The following ZFPM2 variants were observed in gnomAD, a reference collection of about 807,000 sequenced individuals.
ZFPM2 encodes the protein zinc finger protein ZFPM2.
ZFPM2 carries 20 observed loss-of-function variants against 98.6 expected under a neutral mutation model. That is an observed-to-expected ratio of 0.20 (90% CI 0.14 to 0.29). The LOEUF (loss-of-function observed/expected upper bound fraction) is 0.29. Among genes scored for constraint, ZFPM2 ranks in the 10% least tolerant of loss-of-function variants. The probability of loss-of-function intolerance (pLI) is 1.00; values close to 1 mark genes in which losing one functional copy is unlikely to be tolerated. For synonymous variants in ZFPM2, 518 were observed against 502.7 expected (o/e 1.03, Z -0.41); for missense variants, 1,310 against 1,388.6 (o/e 0.94, Z 0.90).
At chr8:105,705,069 A>C (rs1020798751) in intron 5 of ZFPM2, among the ~76,000 whole-genome samples, 2 of 152,202 alleles carry the variant, frequency 1.3e-5, no homozygotes, top group Non-Finnish European at 2.9e-5. Flanking sequence ...TGTTTTAATC[A>C]TGATGTTAAT....
At chr8:105,771,183 GC>G (rs1365168151) in intron 5 of ZFPM2, among the ~76,000 whole-genome samples, 1 of 150,718 alleles carries the variant, frequency 6.6e-6, no homozygotes, top group East Asian at 1.9e-4. Context: ...ATTTTTTTTC[GC>G]CCAACTTGTT....
At position 105,788,708 on chromosome 8, in the gene ZFPM2, T is replaced by C. The variant is rs759627607; in HGVS notation, c.533-10T>C. The C allele has an allele frequency of 1.9e-6, 3 of 1,613,740 alleles. No individual in the cohort carries two copies. The highest frequency in any genetic ancestry group is 2.5e-6 in the Non-Finnish European group (3 of 1,179,664). ...GTCAATTTTATCTTTTTCTTTTTTCTTCTTAATAGGGGGTCAGCTTTGGTG... is the reference window on the plus strand; with the variant it reads ...GTCAATTTTATCTTTTTCTTTTTTCCTCTTAATAGGGGGTCAGCTTTGGTG... On this transcript the variant is annotated splice_polypyrimidine_tract_variant and intron_variant, in intron 5 of 7. Transcript: ENST00000407775.
At chr8:105,398,479 C>A in intron 1 of ZFPM2, among the ~76,000 whole-genome samples, 1 of 152,160 alleles carries the variant, frequency 6.6e-6, no homozygotes, top group East Asian at 1.9e-4. Context: ...TGGCAGTCCC[C>A]AACCTTTTTG....
chr8:105,324,933 A>C (rs574317628), intron 1 of ZFPM2, among the ~76,000 whole-genome samples: 47 of 152,010 alleles, frequency 3.1e-4, no homozygotes, highest in Non-Finnish European at 5.8e-4. Context: ...TATTTTTCAA[A>C]AGTAGCTTCC....
chr8:105,465,725 A>G (rs1389262223), intron 3 of ZFPM2, among the ~76,000 whole-genome samples: 1 of 151,982 alleles, frequency 6.6e-6, no homozygotes, highest in Non-Finnish European at 1.5e-5. Context: ...TATTTCAGTA[A>G]GGTGCCTGGT....
intron 5 of ZFPM2, among the ~76,000 whole-genome samples, chr8:105,670,922 T>C (rs1023509821): frequency 1.3e-5 from 2 of 152,178 alleles, no homozygotes; most frequent in Admixed American, 6.5e-5. Context: ...CTGGCTACTT[T>C]AGTAAAAGTC....
intron 3 of ZFPM2, among the ~76,000 whole-genome samples, chr8:105,509,481 T>G (rs1813770650): frequency 6.6e-6 from 1 of 152,188 alleles, no homozygotes; most frequent in Admixed American, 6.5e-5. Context: ...CTCGTAATGT[T>G]TTTTTGCATT....
chr8:105,488,928 A>T (rs302955), intron 3 of ZFPM2, among the ~76,000 whole-genome samples: 151,928 of 152,272 alleles, frequency 1, 75,792 homozygotes, highest in East Asian at 1. Context: ...CCATTATGTA[A>T]TTTAGTTTGA....
chr8:105,333,294 C>T (rs1198694086), intron 1 of ZFPM2, among the ~76,000 whole-genome samples: 2 of 151,640 alleles, frequency 1.3e-5, no homozygotes, highest in Non-Finnish European at 3.0e-5. Context: ...TCAGTGCTTT[C>T]AGTAGTTTAG....
intron 4 of ZFPM2, among the ~76,000 whole-genome samples, chr8:105,566,474 T>C (rs1386525089): frequency 6.6e-6 from 1 of 152,234 alleles, no homozygotes; most frequent in Non-Finnish European, 1.5e-5. Context: ...AATATCTGGT[T>C]TGGATGTGTT....
At chr8:105,741,816 G>T (rs1812221209) in intron 5 of ZFPM2, among the ~76,000 whole-genome samples, 1 of 151,996 alleles carries the variant, frequency 6.6e-6, no homozygotes, top group Admixed American at 6.6e-5. Context: ...ACTGCCAGTT[G>T]TAAATACAAA....
intron 2 of ZFPM2, among the ~76,000 whole-genome samples, chr8:105,433,914 C>T (rs1314981540): frequency 6.6e-6 from 1 of 152,164 alleles, no homozygotes; most frequent in Non-Finnish European, 1.5e-5. Flanking sequence ...AATGTGGGTT[C>T]TAGTCTTTTG....
At chr8:105,726,018 C>T (rs1433647486) in intron 5 of ZFPM2, among the ~76,000 whole-genome samples, 3 of 151,752 alleles carry the variant, frequency 2.0e-5, no homozygotes, top group Middle Eastern at 3.4e-3. Flanking sequence ...TATAGGAAAA[C>T]GATGAGTAAA....
At chr8:105,371,129 A>G (rs1810614462) in intron 1 of ZFPM2, among the ~76,000 whole-genome samples, 1 of 152,184 alleles carries the variant, frequency 6.6e-6, no homozygotes. Context: ...TTAAGCCTCT[A>G]TTTAATACTT....
intron 2 of ZFPM2, among the ~76,000 whole-genome samples, chr8:105,440,268 T>C (rs1343945134): frequency 6.6e-6 from 1 of 152,230 alleles, no homozygotes; most frequent in Admixed American, 6.5e-5. Flanking sequence ...TGTGATTACT[T>C]TCTATTTTTG....
chr8:105,425,783 G>C (rs1811895115), intron 2 of ZFPM2, among the ~76,000 whole-genome samples: 1 of 152,086 alleles, frequency 6.6e-6, no homozygotes, highest in East Asian at 1.9e-4. Flanking sequence ...CCTGCCCCTG[G>C]TCCCTGAATG....
At chr8:105,701,628 G>A (rs536369401) in intron 5 of ZFPM2, among the ~76,000 whole-genome samples, 1 of 152,258 alleles carries the variant, frequency 6.6e-6, no homozygotes, top group South Asian at 2.1e-4. Flanking sequence ...CATCTAAACA[G>A]CAGGAAAGTA....
rs554118664 is a variant in ZFPM2 at position 105,766,770 on chromosome 8, G to A, written c.533-21948G>A. Among the ~76,000 whole-genome samples, 6 of 151,900 alleles carry A rather than the reference G, an allele frequency of 3.9e-5. 1 individual carries two copies. The highest frequency in any genetic ancestry group is 1.4e-4 in the African/African-American group (6 of 41,504). On this transcript the variant is annotated intron_variant, in intron 5 of 7. Transcript: ENST00000407775. ...CTCAGACCTATAAATCTGATCAGAA[G>A]ATGATTGCTAGACCTTTATAGGTTG...
At chr8:105,355,547 C>T (rs1281984780) in intron 1 of ZFPM2, among the ~76,000 whole-genome samples, 1 of 152,130 alleles carries the variant, frequency 6.6e-6, no homozygotes, top group African/African-American at 2.4e-5. Flanking sequence ...TTTTAACAAA[C>T]AAGCATGCTT....
Sources: gnomAD v4.1 joint callset for allele counts (sites outside exome capture counted in the v4.1 genomes callset) on GRCh38, gnomAD v4.1.1 for gene constraint, MANE v1.5 for transcripts, NCBI Gene and HGNC (gene_info 2026-07-23, HGNC 2026-07-21) for gene names.